Variants in COL19A1 observed in about 807,000 individuals in gnomAD.
COL19A1 encodes the protein collagen type XIX alpha 1 chain.
A neutral mutation model predicts 190.2 loss-of-function variants in COL19A1; 159 were observed. The observed-to-expected ratio is 0.84, with a 90% CI of 0.73 to 0.95. The LOEUF (loss-of-function observed/expected upper bound fraction) is 0.95. Ranked by LOEUF, COL19A1 falls within the 40% of genes least tolerant of loss-of-function variation. The pLI is 0.00. For synonymous variants in COL19A1, 509 were observed against 458.9 expected (o/e 1.11, Z -1.39); for missense variants, 1,418 against 1,431.9 (o/e 0.99, Z 0.16).
rs369162139 is a variant in COL19A1, at chr6:70,168,207, G to C, written c.2533G>C (p.Gly845Arg). ...TGTTCCCAGTTACCCAGGGCCACCC[G>C]GTCCTCCTGTAAGTACAGTTGTTTA... ...VNVPSYPGPP[G>R]PPGPKGDPGP... The change falls in exon 39 of 51, where the codon GGT becomes CGT. Residue 845 changes from glycine (G) to arginine (R), a missense_variant. Transcript: ENST00000620364. 47 of 1,612,762 alleles carry C rather than the reference G, an allele frequency of 2.9e-5. No individual in the cohort carries two copies. In the South Asian group the frequency reaches 3.3e-4, roughly 11 times the overall value.
rs3072698 is a variant in COL19A1, at chr6:69,989,553, CT to C, written c.1026+26699del. Among the ~76,000 whole-genome samples, 354 of 126,270 alleles carry C rather than the reference CT, an allele frequency of 2.8e-3. 2 individuals are homozygous for C. Among genetic ancestry groups the C allele is most frequent in the East Asian group, 0.022 (96 of 4,426 alleles). 82.8% of individuals were successfully genotyped at this position (126,270 alleles called of 152,430 possible). A position where few individuals can be genotyped will look rare whatever the true frequency, so the allele number is the denominator to read the frequency against. ...AAACTAACATAATGAGAGTTTTTTA[CT>C]TTTTTTTTTTTTTTTGCTCATCAGC... On this transcript the variant is annotated intron_variant, in intron 11 of 50. Transcript: ENST00000620364.
chr6:69,933,548 T>C (rs1478444371), intron 7 of COL19A1, among the ~76,000 whole-genome samples: 3 of 152,094 alleles, frequency 2.0e-5, no homozygotes, highest in Non-Finnish European at 4.4e-5. Context: ...TGACTCCTGT[T>C]GGAAGTGAAA....
intron 11 of COL19A1, among the ~76,000 whole-genome samples, chr6:70,010,124 A>G (rs1247193387): frequency 1.3e-5 from 2 of 152,202 alleles, no homozygotes; most frequent in East Asian, 1.9e-4. Flanking sequence ...CCAGGAGAAT[A>G]AAAAGACAAA....
At chr6:69,899,111 A>G (rs2149971448) in intron 3 of COL19A1, 89 bp downstream of exon 3, 1 of 790,886 alleles carries the variant, frequency 1.3e-6, no homozygotes, top group South Asian at 1.7e-5. Flanking sequence ...TGAATCTTTG[A>G]TACTGCAATT....
intron 19 of COL19A1, among the ~76,000 whole-genome samples, chr6:70,139,905 T>A (rs1038178980): frequency 2.7e-5 from 4 of 150,648 alleles, no homozygotes; most frequent in African/African-American, 9.8e-5. Flanking sequence ...TCTAGACAAC[T>A]AGGCTCCCGG....
At chr6:69,909,322 T>C (rs1174284395) in intron 4 of COL19A1, among the ~76,000 whole-genome samples, 1 of 152,144 alleles carries the variant, frequency 6.6e-6, no homozygotes, top group Non-Finnish European at 1.5e-5. Context: ...GGTTCTTGCC[T>C]CTAGGGAGTG....
intron 1 of COL19A1, among the ~76,000 whole-genome samples, chr6:69,872,795 C>T (rs954189995): frequency 2.6e-5 from 4 of 152,172 alleles, no homozygotes; most frequent in African/African-American, 9.7e-5. Context: ...ATGTTGTCTA[C>T]TCAAGACTGC....
chr6:69,970,991 G>A (rs1775392122), intron 11 of COL19A1, among the ~76,000 whole-genome samples: 1 of 152,096 alleles, frequency 6.6e-6, no homozygotes, highest in South Asian at 2.1e-4. Context: ...CAAGCCAGAG[G>A]CTTAATGCTA....
chr6:70,135,879 G>C (rs534454332), intron 18 of COL19A1, among the ~76,000 whole-genome samples: 45 of 152,220 alleles, frequency 3.0e-4, no homozygotes, highest in African/African-American at 1.0e-3. Context: ...TTCAGGTTCT[G>C]GTCATGTCCC....
intron 9 of COL19A1, among the ~76,000 whole-genome samples, chr6:69,948,103 C>A (rs534044788): frequency 3.3e-5 from 5 of 151,720 alleles, no homozygotes; most frequent in Non-Finnish European, 5.9e-5. Context: ...TACCTTGTAC[C>A]CTTATTCTAC....
At chr6:70,096,890 T>C (rs557149771) in intron 15 of COL19A1, among the ~76,000 whole-genome samples, 2 of 152,258 alleles carry the variant, frequency 1.3e-5, no homozygotes, top group East Asian at 1.9e-4. Flanking sequence ...GCCAAGCAGG[T>C]GGCACACACC....
At chr6:69,928,611 G>A (rs1020041956) in intron 5 of COL19A1, among the ~76,000 whole-genome samples, 4 of 152,170 alleles carry the variant, frequency 2.6e-5, no homozygotes, top group African/African-American at 9.7e-5. Context: ...TGTTGAACAA[G>A]TGCAGTGGTA....
chr6:70,117,118 GA>G (rs1272852440), intron 16 of COL19A1, among the ~76,000 whole-genome samples: 1 of 152,168 alleles, frequency 6.6e-6, no homozygotes, highest in Non-Finnish European at 1.5e-5. Context: ...AGGAGCCACA[GA>G]GCTCCTGATT....
At chr6:70,133,569 G>C (rs1232696426) in intron 18 of COL19A1, among the ~76,000 whole-genome samples, 1 of 152,206 alleles carries the variant, frequency 6.6e-6, no homozygotes, top group Non-Finnish European at 1.5e-5. Flanking sequence ...AGAGACAGTA[G>C]AACAAAATAT....
intron 11 of COL19A1, among the ~76,000 whole-genome samples, chr6:69,997,358 C>T (rs538577556): frequency 2.6e-5 from 4 of 152,196 alleles, no homozygotes; most frequent in African/African-American, 4.8e-5. Flanking sequence ...AAAAATGGGC[C>T]GGATGTGGTG....
chr6:70,147,203 A>C (rs1786717837), intron 27 of COL19A1, among the ~76,000 whole-genome samples: 1 of 152,318 alleles, frequency 6.6e-6, no homozygotes, highest in Middle Eastern at 3.4e-3. Context: ...AGAATGCCTA[A>C]TATTAGGTCA....
intron 15 of COL19A1, among the ~76,000 whole-genome samples, chr6:70,081,827 T>C (rs1782275844): frequency 1.3e-5 from 2 of 152,168 alleles, no homozygotes; most frequent in South Asian, 4.2e-4. Flanking sequence ...TTTTTAAAAA[T>C]AAAATTTGAA....
chr6:69,993,721 T>C (rs1307169130), intron 11 of COL19A1, among the ~76,000 whole-genome samples: 2 of 152,180 alleles, frequency 1.3e-5, no homozygotes, highest in East Asian at 3.9e-4. Context: ...CTATTTCTTC[T>C]AGATTTTCTA....
intron 14 of COL19A1, among the ~76,000 whole-genome samples, chr6:70,058,203 T>C (rs1780618378): frequency 6.6e-6 from 1 of 152,104 alleles, no homozygotes; most frequent in Non-Finnish European, 1.5e-5. Context: ...GAAAAGATTA[T>C]GATTAAAATA....
Sources: allele counts gnomAD v4.1 joint callset (sites outside exome capture counted in the v4.1 genomes callset), GRCh38; gene constraint gnomAD v4.1.1; transcripts MANE v1.5; gene names NCBI Gene and HGNC (gene_info 2026-07-23, HGNC 2026-07-21).